The following MGME1 variants were observed in gnomAD, a reference collection of about 807,000 sequenced individuals.
The protein encoded by MGME1 is mitochondrial genome maintenance exonuclease 1.
A neutral mutation model predicts 33.0 loss-of-function variants in MGME1; 22 were observed. That is an observed-to-expected ratio of 0.67 (90% CI 0.48 to 0.95). The LOEUF (loss-of-function observed/expected upper bound fraction) is 0.95. MGME1 is among the 40% of genes least tolerant of loss of function. The pLI, the probability that MGME1 is intolerant of heterozygous loss-of-function variation, is 0.00. For synonymous variants in MGME1, 133 were observed against 144.0 expected (o/e 0.92, Z 0.55); for missense variants, 383 against 397.8 (o/e 0.96, Z 0.32).
At position 17,980,827 on chromosome 20, in the gene MGME1, T is replaced by A. The variant is rs987117570; in HGVS notation, c.731+4924T>A. On this transcript the variant is annotated intron_variant, in intron 3 of 4. Transcript: ENST00000377710. Reference sequence around the variant, plus strand: ...CCATCTCAAAAAAAAAAAAAAAATCTTTTATTAGTTTATATAGATCTGTAA... The same window carrying A: ...CCATCTCAAAAAAAAAAAAAAAATCATTTATTAGTTTATATAGATCTGTAA... Among the ~76,000 whole-genome samples the A allele has an allele frequency of 1.4e-4, 22 of 151,904 alleles. No individual in the cohort carries two copies. The East Asian group carries it at 4.1e-3, about 28-fold the overall frequency.
At chr20:17,980,086 C>T (rs891097022) in intron 3 of MGME1, among the ~76,000 whole-genome samples, 5 of 152,026 alleles carry the variant, frequency 3.3e-5, no homozygotes, top group Middle Eastern at 3.2e-3. Context: ...AGTACAATGG[C>T]GAGATCTTGG....
At chr20:17,973,623 CAAGT>C (rs2035783794) in intron 2 of MGME1, among the ~76,000 whole-genome samples, 1 of 140,048 alleles carries the variant, frequency 7.1e-6, no homozygotes, top group Non-Finnish European at 1.5e-5. Context: ...TCCTGGGTGA[CAAGT>C]AAGACCCTGT....
chr20:17,988,678 T>TGG (rs895933944), intron 4 of MGME1, among the ~76,000 whole-genome samples: 1 of 135,076 alleles, frequency 7.4e-6, no homozygotes, highest in Non-Finnish European at 1.6e-5. Flanking sequence ...AACTTCTCAG[T>TGG]GGGGGGGTAG....
chr20:17,990,465 G>GA lies in MGME1; in HGVS notation c.*358dup, dbSNP rs1350285534. The GA allele has an allele frequency of 2.7e-6, 1 of 370,042 alleles. No individual in the cohort carries two copies. Among genetic ancestry groups the GA allele is most frequent in the East Asian group, 5.5e-5 (1 of 18,302 alleles). 22.9% of individuals were successfully genotyped at this position (370,042 alleles called of 1,614,324 possible). A position where few individuals can be genotyped will look rare whatever the true frequency, so the allele number is the denominator to read the frequency against. On this transcript the variant is annotated 3_prime_UTR_variant, in exon 5 of 5. Coordinates refer to ENST00000377710, the MANE Select transcript of MGME1 (RefSeq NM_052865.4). The stretch of plus-strand genomic sequence containing the variant: ...ATGCCCAGTCTTTGAGCTGAGATTG[G>GA]AAGGCAGTGAGGCTGAGGGTGCCAA...
Position 17,970,034 on chromosome 20 carries a change from G to C in MGME1, c.175G>C (p.Val59Leu). 1 of 1,614,198 alleles carries C rather than the reference G, an allele frequency of 6.2e-7. No individual in the cohort carries two copies. Among genetic ancestry groups the C allele is most frequent in the Non-Finnish European group, 8.5e-7 (1 of 1,180,036 alleles). ...QEKYSNLVQS[V>L]LSSRGVAQTP... ...AAAATACTCTAATTTAGTTCAGTCT[G>C]TCTTGTCATCCAGAGGCGTCGCCCA... Residue 59 changes from valine to leucine, a missense_variant, in exon 2 of 5, where the codon GTC becomes CTC. Coordinates refer to ENST00000377710, the MANE Select transcript of MGME1 (RefSeq NM_052865.4).
At chr20:17,975,660 C>T (rs368780702) in intron 2 of MGME1, 24 bp from the exon 3 acceptor site, 7 of 1,575,280 alleles carry the variant, frequency 4.4e-6, no homozygotes, top group Non-Finnish European at 6.1e-6. Flanking sequence ...TCCCCCCTCC[C>T]CTTTTCCCTG....
intron 2 of MGME1, among the ~76,000 whole-genome samples, chr20:17,974,061 G>GTTTTTTTTTTTTT (rs34206000): frequency 3.5e-5 from 3 of 85,496 alleles, no homozygotes; most frequent in African/African-American, 8.0e-5. Context: ...CTCTTTGTGT[G>GTTTTTTTTTTTTT]TTTTTTTTTT....
At chr20:17,989,562 AAAATC>A (rs2036239391) in intron 4 of MGME1, among the ~76,000 whole-genome samples, 1 of 151,172 alleles carries the variant, frequency 6.6e-6, no homozygotes, top group Non-Finnish European at 1.5e-5. Context: ...TAAAAATAGA[AAAATC>A]AGCCGGAAGT....
At chr20:17,971,199 TA>T (rs1245307842) in intron 2 of MGME1, among the ~76,000 whole-genome samples, 1 of 152,222 alleles carries the variant, frequency 6.6e-6, no homozygotes, top group East Asian at 1.9e-4. Context: ...TCCAGACTCC[TA>T]AAACTATGCG....
Position 17,983,534 on chromosome 20 carries a change from A to T in MGME1, c.732-4632A>T, listed in dbSNP as rs186696868. Among the ~76,000 whole-genome samples, 23 of 152,292 alleles carry T rather than the reference A, an allele frequency of 1.5e-4. 1 individual carries two copies. The highest frequency in any genetic ancestry group is 1.2e-3 in the Admixed American group (19 of 15,280). On this transcript the variant is annotated intron_variant, in intron 3 of 4. Coordinates refer to ENST00000377710, the MANE Select transcript of MGME1 (RefSeq NM_052865.4). ...TGAGGAACCTCCATGATGTTTTCTC[A>T]AATGGCTATACTAATTTACATGCCC...
intron 3 of MGME1, among the ~76,000 whole-genome samples, chr20:17,985,157 C>T (rs1162601858): frequency 6.6e-6 from 1 of 152,094 alleles, no homozygotes; most frequent in African/African-American, 2.4e-5. Flanking sequence ...GGCATGGTGG[C>T]TCATGCCTGT....
rs748807451 is a variant in MGME1 at position 17,988,129 on chromosome 20, C to G, written c.732-37C>G. 3 of 1,581,302 alleles carry G rather than the reference C, an allele frequency of 1.9e-6. No individual in the cohort carries two copies. In the African/African-American group the frequency reaches 4.1e-5, roughly 22 times the overall value. On this transcript the variant is annotated intron_variant, in intron 3 of 4. Transcript: ENST00000377710. The stretch of plus-strand genomic sequence containing the variant: ...ACCTAGTAGAGATTTTCATTGTGAT[C>G]TATTACCTACAAAGTCTTCCTGTGG...
Position 17,972,100 on chromosome 20 carries a change from A to G in MGME1, c.511+1730A>G, listed in dbSNP as rs1194996397. Among the ~76,000 whole-genome samples the G allele has an allele frequency of 2.0e-5, 3 of 152,188 alleles. No homozygotes were observed. The East Asian group carries it at 5.8e-4, about 29-fold the overall frequency. Reference sequence around the variant, plus strand: ...TGGGTTCTGAAATAAATAAAGGGACAATTAGTGTCATGGTGAATAAAAGAA... The same window carrying G: ...TGGGTTCTGAAATAAATAAAGGGACGATTAGTGTCATGGTGAATAAAAGAA... On this transcript the variant is annotated intron_variant, in intron 2 of 4. Coordinates refer to ENST00000377710, the MANE Select transcript of MGME1 (RefSeq NM_052865.4).
chr20:17,974,428 G>A (rs1009373852), intron 2 of MGME1, among the ~76,000 whole-genome samples: 3 of 152,092 alleles, frequency 2.0e-5, no homozygotes, highest in Non-Finnish European at 2.9e-5. Flanking sequence ...GGAGGCCAAC[G>A]AGCACTGAAA....
Position 17,969,838 on chromosome 20 carries a change from A to C in MGME1, c.-22A>C. The stretch of plus-strand genomic sequence containing the variant: ...AAAGGCCTTCGACCGTTGCAAATAG[A>C]CTAAAGTGAAAACAAATCTGAATGA... On this transcript the variant is annotated 5_prime_UTR_variant, in exon 2 of 5. Transcript: ENST00000377710. 1 of 1,586,142 alleles carries C rather than the reference A, an allele frequency of 6.3e-7. No individual in the cohort carries two copies. The highest frequency in any genetic ancestry group is 8.6e-7 in the Non-Finnish European group (1 of 1,169,138).
chr20:17,972,224 AT>A (rs956800708), intron 2 of MGME1, among the ~76,000 whole-genome samples: 1 of 152,190 alleles, frequency 6.6e-6, no homozygotes, highest in African/African-American at 2.4e-5. Context: ...AATTAAGAAG[AT>A]TTTTTTAATG....
At chr20:17,979,277 C>T (rs984647554) in intron 3 of MGME1, among the ~76,000 whole-genome samples, 1 of 151,690 alleles carries the variant, frequency 6.6e-6, no homozygotes, top group African/African-American at 2.4e-5. Flanking sequence ...TGGGGTTTTG[C>T]CATGTTGCTC....
Position 17,990,258 on chromosome 20 carries a change from T to C in MGME1, c.*149T>C, listed in dbSNP as rs538117378. 1.1e-4 allele frequency: 78 copies of C among 741,698 alleles called. No individual in the cohort carries two copies. In the African/African-American group the frequency reaches 1.2e-3, roughly 11 times the overall value. The allele number at this position is 741,698 out of a possible 1,614,324, so 45.9% of individuals were successfully genotyped here. A position where few individuals can be genotyped will look rare whatever the true frequency, so the allele number is the denominator to read the frequency against. ...GTATTAATTTGTTGAAATGTGTTGT[T>C]ACCAAAAAGACTGAAAAGCCCCAAA... On this transcript the variant is annotated 3_prime_UTR_variant, in exon 5 of 5. Transcript: ENST00000377710.
intron 3 of MGME1, among the ~76,000 whole-genome samples, chr20:17,976,603 T>C (rs1484045688): frequency 6.6e-6 from 1 of 152,238 alleles, no homozygotes; most frequent in Non-Finnish European, 1.5e-5. Flanking sequence ...AGGCAGTGCT[T>C]GACATGGATC....
Sources: gnomAD v4.1 joint callset for allele counts (sites outside exome capture counted in the v4.1 genomes callset) on GRCh38, gnomAD v4.1.1 for gene constraint, MANE v1.5 for transcripts, NCBI Gene and HGNC (gene_info 2026-07-23, HGNC 2026-07-21) for gene names.